SLC17A8: variants seen among roughly 807,000 people sequenced by gnomAD.
SLC17A8 encodes the protein vesicular glutamate transporter 3.
A neutral mutation model predicts 58.0 loss-of-function variants in SLC17A8; 31 were observed. That is an observed-to-expected ratio of 0.53 (90% confidence interval 0.40 to 0.72). SLC17A8 has a LOEUF of 0.72. Among genes scored for constraint, SLC17A8 ranks in the 30% least tolerant of loss-of-function variants. The probability of loss-of-function intolerance (pLI) is 0.00; values close to 1 mark genes in which losing one functional copy is unlikely to be tolerated. For missense variants in SLC17A8, 655 were observed against 727.8 expected, an observed-to-expected ratio of 0.90 and a Z score of 1.15; for synonymous variants, 228 against 249.0, an observed-to-expected ratio of 0.92 and a Z score of 0.79.
At chr12:100,361,569 G>T (rs117949600) in intron 1 of SLC17A8, among the ~76,000 whole-genome samples, 2 of 152,154 alleles carry the variant, frequency 1.3e-5, no homozygotes, top group Non-Finnish European at 2.9e-5. Context: ...GTCTTAGGTA[G>T]GTTCCCTAAA....
At chr12:100,392,755 G>A (rs996899931) in intron 3 of SLC17A8, among the ~76,000 whole-genome samples, 1 of 152,216 alleles carries the variant, frequency 6.6e-6, no homozygotes, top group Non-Finnish European at 1.5e-5. Flanking sequence ...CAGGAAATGG[G>A]AGCTAAGACA....
At chr12:100,374,300 A>G (rs1952579231) in intron 1 of SLC17A8, among the ~76,000 whole-genome samples, 1 of 152,160 alleles carries the variant, frequency 6.6e-6, no homozygotes, top group Admixed American at 6.5e-5. Context: ...ATGGCCTGCT[A>G]TTTGAATGCT....
intron 1 of SLC17A8, among the ~76,000 whole-genome samples, chr12:100,368,021 T>A (rs557900947): frequency 2.0e-5 from 3 of 152,376 alleles, no homozygotes; most frequent in Admixed American, 2.0e-4. Context: ...TTTATCAGGA[T>A]CATTTCTCTT....
chr12:100,404,844 A>G (rs1952815511), intron 9 of SLC17A8, among the ~76,000 whole-genome samples: 1 of 152,242 alleles, frequency 6.6e-6, no homozygotes, highest in South Asian at 2.1e-4. Context: ...GGTAAAATAA[A>G]GGGACTTGCT....
intron 3 of SLC17A8, 65 bp from the exon 4 acceptor site, chr12:100,393,304 T>G: frequency 9.4e-7 from 1 of 1,061,528 alleles, no homozygotes. Context: ...TTGTTTCTGG[T>G]GCTTAGCTGA....
intron 2 of SLC17A8, among the ~76,000 whole-genome samples, chr12:100,383,599 C>G (rs1952652033): frequency 6.6e-6 from 1 of 152,068 alleles, no homozygotes; most frequent in South Asian, 2.1e-4. Flanking sequence ...ATCTTTAAAT[C>G]TTTATTTCAA....
intron 1 of SLC17A8, among the ~76,000 whole-genome samples, chr12:100,372,992 A>G (rs1952568791): frequency 6.6e-6 from 1 of 152,204 alleles, no homozygotes; most frequent in Admixed American, 6.5e-5. Context: ...GGAACATTTG[A>G]ATTGCAAAGA....
At chr12:100,402,308 A>C in intron 6 of SLC17A8, 32 bp from the exon 7 acceptor site, 1 of 1,613,726 alleles carries the variant, frequency 6.2e-7, no homozygotes, top group Non-Finnish European at 8.5e-7. Flanking sequence ...AAATGAGACC[A>C]TATAACCCAG....
intron 1 of SLC17A8, among the ~76,000 whole-genome samples, chr12:100,371,319 T>C (rs914669528): frequency 6.6e-6 from 1 of 152,184 alleles, no homozygotes. Flanking sequence ...ACAGTCAGCA[T>C]TGAACCCAGT....
chr12:100,357,931 C>T (rs1326079692), intron 1 of SLC17A8, among the ~76,000 whole-genome samples: 1 of 151,996 alleles, frequency 6.6e-6, no homozygotes, highest in Non-Finnish European at 1.5e-5. Context: ...TAATAAAATA[C>T]ATAAAGTGGT....
In SLC17A8 at chr12:100,390,997, C is replaced by A. The variant is rs11568531; in HGVS notation, c.355-4C>A. ...CACAACTATATCTGATTTCTCATTT[C>A]CAGACAGCACAGTTTAACTGGGATC... On this transcript the variant is annotated splice_region_variant and splice_polypyrimidine_tract_variant and intron_variant, in intron 2 of 11. Transcript: ENST00000323346. 3,614 of 1,594,854 alleles carry A rather than the reference C, an allele frequency of 2.3e-3. 28 individuals are homozygous for A. Among genetic ancestry groups the A allele is most frequent in the African/African-American group, 0.018 (1,329 of 74,626 alleles).
intron 1 of SLC17A8, among the ~76,000 whole-genome samples, chr12:100,378,599 G>A (rs985494557): frequency 2.0e-5 from 3 of 152,044 alleles, no homozygotes; most frequent in Non-Finnish European, 4.4e-5. Flanking sequence ...TTATACTAGG[G>A]AGGAGAACAT....
intron 1 of SLC17A8, among the ~76,000 whole-genome samples, chr12:100,358,522 T>C (rs2135964619): frequency 6.6e-6 from 1 of 152,326 alleles, no homozygotes; most frequent in East Asian, 1.9e-4. Flanking sequence ...ACTGTTAATA[T>C]TAACTTTCCT....
chr12:100,374,472 C>A (rs144558342), intron 1 of SLC17A8, among the ~76,000 whole-genome samples: 1 of 152,074 alleles, frequency 6.6e-6, no homozygotes, highest in Non-Finnish European at 1.5e-5. Context: ...ATTAGCCGGG[C>A]GTGGTGGCCT....
chr12:100,373,577 C>CTT (rs11296057), intron 1 of SLC17A8, among the ~76,000 whole-genome samples: 2,528 of 87,568 alleles, frequency 0.029, 45 homozygotes, highest in African/African-American at 0.044. Context: ...AAATCAGTGA[C>CTT]TTTTTTTTTT....
chr12:100,409,507 T>C (rs1329838229), intron 9 of SLC17A8, among the ~76,000 whole-genome samples: 1 of 152,168 alleles, frequency 6.6e-6, no homozygotes, highest in African/African-American at 2.4e-5. Context: ...ATTGAGTGCA[T>C]ACTACATGCT....
intron 1 of SLC17A8, among the ~76,000 whole-genome samples, chr12:100,376,600 A>G (rs1952596198): frequency 6.6e-6 from 1 of 152,228 alleles, no homozygotes; most frequent in Non-Finnish European, 1.5e-5. Context: ...TTTGTGTCAA[A>G]TGGGAGTATT....
rs1460866201 is a variant in SLC17A8 at position 100,373,312 on chromosome 12, T to G, written c.102-7389T>G. 2.6e-5 allele frequency among the ~76,000 whole-genome samples: 4 copies of G among 152,162 alleles called. No individual in the cohort carries two copies. The East Asian group carries it at 7.7e-4, about 29-fold the overall frequency. On this transcript the variant is annotated intron_variant, in intron 1 of 11. Transcript: ENST00000323346. ...CTCCAACTCCTAAGAAATGAGTTCG[T>G]TTTTCTTCTCTTATTCTTAAATAAC...
intron 1 of SLC17A8, among the ~76,000 whole-genome samples, chr12:100,374,016 A>G (rs1192602290): frequency 6.6e-6 from 1 of 152,174 alleles, no homozygotes; most frequent in African/African-American, 2.4e-5. Flanking sequence ...AGAGACCCTA[A>G]CGTTCAGGCA....
Sources: gnomAD v4.1 joint callset for allele counts (sites outside exome capture counted in the v4.1 genomes callset) on GRCh38, gnomAD v4.1.1 for gene constraint, MANE v1.5 for transcripts, NCBI Gene and HGNC (gene_info 2026-07-23, HGNC 2026-07-21) for gene names.